Variants in CAST observed in about 807,000 individuals in gnomAD.
The protein encoded by CAST is MIR583 host.
Under a neutral mutation model 119.6 loss-of-function variants are expected in CAST, and 76 were observed. That is an observed-to-expected ratio of 0.64 (90% CI 0.53 to 0.77). The LOEUF (loss-of-function observed/expected upper bound fraction) is 0.77. Among genes scored for constraint, CAST ranks in the 30% least tolerant of loss-of-function variants. CAST has a pLI of 0.00. For missense variants in CAST, 953 were observed against 946.5 expected (o/e 1.01, Z -0.09); for synonymous variants, 319 against 331.6 (o/e 0.96, Z 0.41).
At chr5:96,412,504 TAAAC>T in the CAST span, 23 of 1,612,172 alleles carry the variant, frequency 1.4e-5, no homozygotes, top group South Asian at 3.3e-5. Flanking sequence ...AGAAACAAAA[TAAAC>T]AAAGACACAC....
intron 1 of CAST, among the ~76,000 whole-genome samples, chr5:96,618,395 G>A (rs6887654): frequency 0.034 from 5,183 of 152,284 alleles, 291 homozygotes; most frequent in African/African-American, 0.11. Flanking sequence ...CCTCGGCCTC[G>A]GTGTCCACTC....
chr5:96,241,223 C>G, the CAST span, among the ~76,000 whole-genome samples: 2 of 125,522 alleles, frequency 1.6e-5, no homozygotes, highest in South Asian at 6.1e-4. Context: ...TCCCCCCACC[C>G]CACAACAGTC....
rs1477786631 is a variant in CAST at position 96,731,010 on chromosome 5, A to G, written c.630+150A>G. The stretch of plus-strand genomic sequence containing the variant: ...TGAAGAGCATGCATTTAAGGGATAG[A>G]GAGTGAACAAGATACCAAAAATAAT... On this transcript the variant is annotated intron_variant, in intron 9 of 31. Transcript: ENST00000675179. The G allele has an allele frequency of 3.8e-5, 24 of 629,276 alleles. No homozygotes were observed. In the South Asian group the frequency reaches 4.6e-4, roughly 12 times the overall value. 39.0% of individuals were successfully genotyped at this position (629,276 alleles called of 1,614,324 possible).
chr5:96,740,521 G>A lies in CAST; in HGVS notation c.880-224G>A, dbSNP rs117392939. Among the ~76,000 whole-genome samples, 106 of 152,088 alleles carry A rather than the reference G, an allele frequency of 7.0e-4. No homozygotes were observed. The East Asian group carries it at 0.018, about 26-fold the overall frequency. On this transcript the variant is annotated intron_variant, in intron 12 of 31. Transcript: ENST00000675179. ...CCAAATTTCCCCTTTTTATAAGGAC[G>A]CGCATCATATTGGAGTAGGGCCCAC...
the CAST span, among the ~76,000 whole-genome samples, chr5:95,978,306 A>G: frequency 2.0e-5 from 3 of 152,160 alleles, no homozygotes; most frequent in Non-Finnish European, 2.9e-5. Flanking sequence ...CCTCCCCAGC[A>G]TCTGTTATGT....
chr5:96,179,819 G>A, the CAST span, among the ~76,000 whole-genome samples: 2 of 152,076 alleles, frequency 1.3e-5, no homozygotes, highest in Non-Finnish European at 2.9e-5. Context: ...GGTGGATCAC[G>A]AGGTCAGGAG....
At chr5:96,564,623 A>T (rs1318504223) in intron 1 of CAST, among the ~76,000 whole-genome samples, 2 of 152,208 alleles carry the variant, frequency 1.3e-5, no homozygotes, top group Non-Finnish European at 2.9e-5. Context: ...CTCCAACTTA[A>T]ATGTCACCTA....
At chr5:96,352,113 G>T in the CAST span, among the ~76,000 whole-genome samples, 1 of 152,152 alleles carries the variant, frequency 6.6e-6, no homozygotes, top group Admixed American at 6.6e-5. Context: ...AGACTGGCTG[G>T]AACTCAAGAA....
At chr5:96,358,068 T>G in the CAST span, among the ~76,000 whole-genome samples, 1 of 152,204 alleles carries the variant, frequency 6.6e-6, no homozygotes, top group African/African-American at 2.4e-5. Flanking sequence ...GGAGGGTGTG[T>G]GTGTCCAGGA....
At chr5:96,194,664 G>T in the CAST span, among the ~76,000 whole-genome samples, 1 of 152,090 alleles carries the variant, frequency 6.6e-6, no homozygotes, top group South Asian at 2.1e-4. Context: ...TTTAAAAAGG[G>T]ACTGGAGCAG....
the CAST span, among the ~76,000 whole-genome samples, chr5:96,047,170 A>G: frequency 6.6e-6 from 1 of 152,202 alleles, no homozygotes; most frequent in Non-Finnish European, 1.5e-5. Context: ...AAACATAGCA[A>G]GTTCTTCAAA....
the CAST span, among the ~76,000 whole-genome samples, chr5:96,289,739 CT>C: frequency 6.6e-6 from 1 of 152,048 alleles, no homozygotes; most frequent in African/African-American, 2.4e-5. Context: ...GTTATTTAAC[CT>C]TTTTGACCCT....
At chr5:96,582,858 G>A (rs1580834358) in intron 1 of CAST, among the ~76,000 whole-genome samples, 1 of 152,036 alleles carries the variant, frequency 6.6e-6, no homozygotes, top group Admixed American at 6.5e-5. Context: ...TTATTGATAG[G>A]CTCTTTAGAA....
At chr5:96,259,090 G>A in the CAST span, among the ~76,000 whole-genome samples, 1 of 152,166 alleles carries the variant, frequency 6.6e-6, no homozygotes, top group Non-Finnish European at 1.5e-5. Context: ...GGGAAAGTAT[G>A]TTTTTATTCC....
chr5:96,741,356 G>C lies in CAST; in HGVS notation c.1009G>C (p.Glu337Gln), dbSNP rs768961693. The C allele has an allele frequency of 6.2e-7, 1 of 1,601,928 alleles. No homozygotes were observed. Among genetic ancestry groups the C allele is most frequent in the South Asian group, 1.1e-5 (1 of 90,752 alleles). ...AGCTGCTGGAAAGAAAACTGAAAAAGAGGTATTGTTTTTAGTGTTGTTAAG... is the reference window on the plus strand; with the variant it reads ...AGCTGCTGGAAAGAAAACTGAAAAACAGGTATTGTTTTTAGTGTTGTTAAG... ...PTAAGKKTEKEESTEVLKAQS... is the reference protein window; with the variant it reads ...PTAAGKKTEKQESTEVLKAQS... The change falls in exon 14 of 32, where the codon GAG becomes CAG. Residue 337 changes from glutamate (E) to glutamine (Q), a missense_variant and splice_region_variant. By Grantham distance (29) the Glu-to-Gln change is conservative. Coordinates refer to ENST00000675179, the MANE Select transcript of CAST (RefSeq NM_001750.7).
At chr5:96,590,583 C>T (rs373621623) in intron 1 of CAST, among the ~76,000 whole-genome samples, 1 of 152,150 alleles carries the variant, frequency 6.6e-6, no homozygotes, top group Non-Finnish European at 1.5e-5. Flanking sequence ...GATAGCAAAG[C>T]GCTGCTGTGA....
chr5:96,771,779 A>AG (rs1296403814), intron 31 of CAST, 77 bp downstream of exon 31: 2 of 857,362 alleles, frequency 2.3e-6, no homozygotes, highest in African/African-American at 3.4e-5. Flanking sequence ...AGAGAAGTGA[A>AG]GTCCACCTCT....
chr5:96,380,597 T>C, the CAST span, among the ~76,000 whole-genome samples: 1 of 152,224 alleles, frequency 6.6e-6, no homozygotes, highest in African/African-American at 2.4e-5. Context: ...AATGAGCCTG[T>C]CACTTCAAGG....
chr5:96,390,733 A>G, the CAST span: 1 of 152,684 alleles, frequency 6.5e-6, no homozygotes, highest in Non-Finnish European at 1.5e-5. Context: ...TTTCAAGGGA[A>G]ATAGTATATA....
Sources: allele counts gnomAD v4.1 joint callset (sites outside exome capture counted in the v4.1 genomes callset), GRCh38; gene constraint gnomAD v4.1.1; transcripts MANE v1.5; gene names NCBI Gene and HGNC (gene_info 2026-07-23, HGNC 2026-07-21).